Variants in SOAT1 observed in about 807,000 individuals in gnomAD.
The protein encoded by SOAT1 is acyl-coenzyme A:cholesterol acyltransferase 1.
SOAT1 carries 55 observed loss-of-function variants against 69.5 expected under a neutral mutation model. That is an observed-to-expected ratio of 0.79 (90% CI 0.64 to 0.99). The LOEUF (loss-of-function observed/expected upper bound fraction) is 0.99. Ranked by LOEUF, SOAT1 falls within the 50% of genes least tolerant of loss-of-function variation. The pLI is 0.00. For synonymous variants in SOAT1, 231 were observed against 224.7 expected (o/e 1.03, Z -0.25); for missense variants, 580 against 669.3 (o/e 0.87, Z 1.47).
intron 3 of SOAT1, among the ~76,000 whole-genome samples, chr1:179,326,366 C>T (rs1048385153): frequency 6.6e-6 from 1 of 152,130 alleles, no homozygotes; most frequent in Non-Finnish European, 1.5e-5. Flanking sequence ...ATATTCCTAA[C>T]TACTTAGTTT....
intron 1 of SOAT1, among the ~76,000 whole-genome samples, chr1:179,299,671 A>G (rs187022151): frequency 1.2e-3 from 178 of 150,608 alleles, no homozygotes; most frequent in Non-Finnish European, 1.1e-3. Context: ...GAAATATTGC[A>G]TTGTGCTATA....
At chr1:179,329,563 C>A (rs1665904924) in intron 3 of SOAT1, among the ~76,000 whole-genome samples, 1 of 151,620 alleles carries the variant, frequency 6.6e-6, no homozygotes, top group African/African-American at 2.4e-5. Context: ...ACTAAAAATA[C>A]AACAAAAATT....
chr1:179,323,043 TTC>T (rs1665659370), intron 2 of SOAT1, among the ~76,000 whole-genome samples: 2 of 109,214 alleles, frequency 1.8e-5, no homozygotes, highest in Non-Finnish European at 4.0e-5. Context: ...TTTCTTTTCT[TTC>T]TTTTTTTTTT....
intron 15 of SOAT1, among the ~76,000 whole-genome samples, chr1:179,352,091 A>T (rs7532326): frequency 0.33 from 49,745 of 149,196 alleles, 8,636 homozygotes; most frequent in Middle Eastern, 0.45. Flanking sequence ...TTTTTTTTTT[A>T]AACCTCTTTC....
At chr1:179,327,133 TTTAG>T (rs1665822721) in intron 3 of SOAT1, among the ~76,000 whole-genome samples, 1 of 152,234 alleles carries the variant, frequency 6.6e-6, no homozygotes, top group Non-Finnish European at 1.5e-5. Flanking sequence ...GTCACATTTT[TTTAG>T]TTGTTGCTTA....
chr1:179,339,829 C>G (rs145147589), intron 6 of SOAT1, among the ~76,000 whole-genome samples: 1 of 152,182 alleles, frequency 6.6e-6, no homozygotes, highest in Non-Finnish European at 1.5e-5. Context: ...ACGAACAGCA[C>G]GGGTTTGAAC....
At chr1:179,299,870 C>T (rs1400148099) in intron 1 of SOAT1, among the ~76,000 whole-genome samples, 4 of 149,122 alleles carry the variant, frequency 2.7e-5, no homozygotes, top group African/African-American at 9.9e-5. Flanking sequence ...TCTCCTGCCT[C>T]AGCCTCCCGA....
chr1:179,323,638 TC>T, intron 3 of SOAT1, 143 bp downstream of exon 3: 1 of 696,612 alleles, frequency 1.4e-6, no homozygotes, highest in Admixed American at 2.6e-5. Flanking sequence ...GAAAATAAGA[TC>T]TGCTGACTTG....
At chr1:179,300,511 CATTT>C (rs1373315933) in intron 1 of SOAT1, among the ~76,000 whole-genome samples, 1 of 152,094 alleles carries the variant, frequency 6.6e-6, no homozygotes, top group Non-Finnish European at 1.5e-5. Context: ...ACAATTGTTT[CATTT>C]GTTTGATTTC....
At chr1:179,322,655 A>G (rs35981023) in intron 2 of SOAT1, among the ~76,000 whole-genome samples, 2,423 of 152,286 alleles carry the variant, frequency 0.016, 19 homozygotes, top group Non-Finnish European at 0.025. Flanking sequence ...GCTTTAGAAC[A>G]TATTTATCTC....
chr1:179,325,108 G>A (rs568717673), intron 3 of SOAT1, among the ~76,000 whole-genome samples: 1 of 148,058 alleles, frequency 6.8e-6, no homozygotes, highest in Non-Finnish European at 1.5e-5. Context: ...GCTGGCACGT[G>A]CTAGTTTTAA....
intron 3 of SOAT1, among the ~76,000 whole-genome samples, chr1:179,330,400 G>A (rs1055666030): frequency 5.9e-5 from 9 of 152,144 alleles, no homozygotes; most frequent in Admixed American, 4.6e-4. Context: ...CCATAGGAGC[G>A]GTTGGGGAAG....
At chr1:179,301,091 C>CAATAAATA (rs957384583) in intron 1 of SOAT1, among the ~76,000 whole-genome samples, 1 of 151,980 alleles carries the variant, frequency 6.6e-6, no homozygotes, top group Non-Finnish European at 1.5e-5. Context: ...TACTCCTTCT[C>CAATAAATA]AATAAATAAA....
chr1:179,329,046 CAAAAA>C (rs3046366), intron 3 of SOAT1, among the ~76,000 whole-genome samples: 1 of 130,620 alleles, frequency 7.7e-6, no homozygotes, highest in Admixed American at 7.7e-5. Context: ...ACTTTGTCTT[CAAAAA>C]AAAAAAAAAA....
At position 179,357,452 on chromosome 1, in the gene SOAT1, C is replaced by T. The variant is rs41310929; in HGVS notation, c.*3811C>T. The T allele has an allele frequency of 0.1, 15,427 of 152,294 alleles. 1,168 individuals carry two copies. The highest frequency in any genetic ancestry group is 0.41 in the East Asian group (2,093 of 5,150). The allele number at this position is 152,294 out of a possible 1,614,324, so 9.4% of individuals were successfully genotyped here. On this transcript the variant is annotated 3_prime_UTR_variant, in exon 16 of 16. Transcript: ENST00000367619. ...TCCTGACCTCATGATCCGCCAGCCTCAGCCTCCCATAGTGCTGGGATTATA... is the reference window on the plus strand; with the variant it reads ...TCCTGACCTCATGATCCGCCAGCCTTAGCCTCCCATAGTGCTGGGATTATA...
At chr1:179,334,802 G>A (rs1666089593) in intron 3 of SOAT1, among the ~76,000 whole-genome samples, 1 of 151,732 alleles carries the variant, frequency 6.6e-6, no homozygotes, top group Admixed American at 6.6e-5. Context: ...GATCACCTGA[G>A]GTTGGGAGTT....
intron 11 of SOAT1, among the ~76,000 whole-genome samples, chr1:179,347,382 T>C (rs1270422683): frequency 6.9e-6 from 1 of 144,036 alleles, no homozygotes; most frequent in African/African-American, 2.6e-5. Flanking sequence ...AAAACCAGAC[T>C]GGGTAATGTC....
At chr1:179,334,528 G>A (rs908458674) in intron 3 of SOAT1, among the ~76,000 whole-genome samples, 2 of 152,104 alleles carry the variant, frequency 1.3e-5, no homozygotes, top group African/African-American at 2.4e-5. Flanking sequence ...GCAGAAATGA[G>A]TAAATATGGC....
chr1:179,348,768 G>A, intron 12 of SOAT1, 76 bp from the exon 13 acceptor site: 6 of 15,676 alleles, frequency 3.8e-4, no homozygotes, highest in Non-Finnish European at 7.9e-4. Flanking sequence ...GGATGTGTGT[G>A]TGTGTGTGTG....
Sources: gnomAD v4.1 joint callset for allele counts (sites outside exome capture counted in the v4.1 genomes callset) on GRCh38, gnomAD v4.1.1 for gene constraint, MANE v1.5 for transcripts, NCBI Gene and HGNC (gene_info 2026-07-23, HGNC 2026-07-21) for gene names.